SHISA9: variants seen among roughly 807,000 people sequenced by gnomAD.
The protein encoded by SHISA9 is protein shisa-9.
A neutral mutation model predicts 38.0 loss-of-function variants in SHISA9; 13 were observed. The observed-to-expected ratio is 0.34, with a 90% CI of 0.22 to 0.54. The LOEUF is 0.54. Among genes scored for constraint, SHISA9 ranks in the 20% least tolerant of loss-of-function variants. SHISA9 has a pLI of 0.91. For missense variants in SHISA9, 538 were observed against 575.8 expected (o/e 0.93, Z 0.67); for synonymous variants, 275 against 242.0 (o/e 1.14, Z -1.27).
the SHISA9 span, among the ~76,000 whole-genome samples, chr16:13,506,762 A>T: frequency 3.3e-5 from 5 of 152,266 alleles, no homozygotes; most frequent in South Asian, 1.0e-3. Flanking sequence ...GGCTTGAGAC[A>T]CTGGGCATGG....
At chr16:12,937,831 A>G (rs1019275031) in intron 2 of SHISA9, among the ~76,000 whole-genome samples, 1 of 152,240 alleles carries the variant, frequency 6.6e-6, no homozygotes, top group African/African-American at 2.4e-5. Context: ...AGGGCACACA[A>G]ACATTCAGTC....
chr16:12,983,965 A>T (rs994075122), intron 2 of SHISA9, among the ~76,000 whole-genome samples: 2 of 152,176 alleles, frequency 1.3e-5, no homozygotes, highest in African/African-American at 4.8e-5. Context: ...GCTTCTGTTC[A>T]TAATTCCTAC....
chr16:13,367,078 C>A, the SHISA9 span, among the ~76,000 whole-genome samples: 1 of 151,350 alleles, frequency 6.6e-6, no homozygotes, highest in Non-Finnish European at 1.5e-5. Context: ...ATCTTAATAA[C>A]CTCAAAAATC....
chr16:13,126,737 GT>G, intron 2 of SHISA9, among the ~76,000 whole-genome samples: 1 of 148,410 alleles, frequency 6.7e-6, no homozygotes, highest in African/African-American at 2.5e-5. Context: ...GAAAGAGAGA[GT>G]GACTGAGGGA....
chr16:12,969,576 C>G (rs930510683), intron 2 of SHISA9, among the ~76,000 whole-genome samples: 8 of 151,960 alleles, frequency 5.3e-5, no homozygotes, highest in Non-Finnish European at 8.8e-5. Flanking sequence ...GAAACTCTGT[C>G]TCTACTAAAA....
At chr16:12,949,162 G>A (rs1328861191) in intron 2 of SHISA9, among the ~76,000 whole-genome samples, 1 of 152,168 alleles carries the variant, frequency 6.6e-6, no homozygotes, top group East Asian at 1.9e-4. Flanking sequence ...CCTGAGATAG[G>A]AATTCTTATG....
chr16:13,129,396 C>A (rs1050603660), intron 2 of SHISA9, among the ~76,000 whole-genome samples: 5 of 152,192 alleles, frequency 3.3e-5, no homozygotes, highest in African/African-American at 1.2e-4. Flanking sequence ...CCTCTAGGTC[C>A]TCTGCATCTG....
At chr16:12,959,305 G>T (rs1222864150) in intron 2 of SHISA9, among the ~76,000 whole-genome samples, 1 of 152,218 alleles carries the variant, frequency 6.6e-6, no homozygotes, top group Non-Finnish European at 1.5e-5. Flanking sequence ...GGTTAAGCTG[G>T]TTAGCTTCAG....
intron 2 of SHISA9, among the ~76,000 whole-genome samples, chr16:13,117,193 C>T (rs893963923): frequency 6.6e-6 from 1 of 152,156 alleles, no homozygotes; most frequent in Non-Finnish European, 1.5e-5. Context: ...CCAGGATGGT[C>T]TCAAATTCCT....
At chr16:13,163,168 C>T (rs1168318546) in intron 2 of SHISA9, among the ~76,000 whole-genome samples, 1 of 152,154 alleles carries the variant, frequency 6.6e-6, no homozygotes, top group African/African-American at 2.4e-5. Flanking sequence ...TAATGCTAAG[C>T]ATTTAGGTTT....
chr16:13,085,740 G>A lies in SHISA9; in HGVS notation c.692-117654G>A, dbSNP rs115073949. Among the ~76,000 whole-genome samples, 661 of 152,230 alleles carry A rather than the reference G, an allele frequency of 4.3e-3. 3 individuals carry two copies. The highest frequency in any genetic ancestry group is 0.015 in the African/African-American group (640 of 41,548). Reference sequence around the variant, plus strand: ...AACACCTGGTGAACAAGCTACCTTCGCAGTCTTATTTCTATATCCCTTGAC... The same window carrying A: ...AACACCTGGTGAACAAGCTACCTTCACAGTCTTATTTCTATATCCCTTGAC... On this transcript the variant is annotated intron_variant, in intron 2 of 4. Transcript: ENST00000558583.
the SHISA9 span, among the ~76,000 whole-genome samples, chr16:13,481,489 G>T: frequency 6.6e-6 from 1 of 152,192 alleles, no homozygotes; most frequent in Non-Finnish European, 1.5e-5. Context: ...CAACCATGCT[G>T]TAGAGGTGCA....
chr16:13,261,896 C>T, the SHISA9 span, among the ~76,000 whole-genome samples: 1 of 152,202 alleles, frequency 6.6e-6, no homozygotes, highest in African/African-American at 2.4e-5. Flanking sequence ...GGAGTCGAAA[C>T]ATCTCTTGCC....
chr16:13,014,112 G>A (rs1457253407), intron 2 of SHISA9, among the ~76,000 whole-genome samples: 1 of 152,150 alleles, frequency 6.6e-6, no homozygotes, highest in African/African-American at 2.4e-5. Context: ...CAGTGAGACA[G>A]GCAAATCCTA....
At chr16:13,509,272 C>CAAA in the SHISA9 span, among the ~76,000 whole-genome samples, 1 of 146,236 alleles carries the variant, frequency 6.8e-6, no homozygotes, top group Admixed American at 6.8e-5. Context: ...GTCAGAAATG[C>CAAA]AAAAAAAAAA....
At chr16:13,055,725 C>T (rs1250706802) in intron 2 of SHISA9, among the ~76,000 whole-genome samples, 1 of 152,168 alleles carries the variant, frequency 6.6e-6, no homozygotes, top group Non-Finnish European at 1.5e-5. Flanking sequence ...CAGGGAAACA[C>T]TAAAATGCAT....
chr16:13,367,651 T>TGGGGG, the SHISA9 span, among the ~76,000 whole-genome samples: 4 of 140,614 alleles, frequency 2.8e-5, no homozygotes, highest in African/African-American at 1.1e-4. Context: ...GCAAGTAGGA[T>TGGGGG]GCGGGGGGGA....
At chr16:13,023,737 T>C (rs541540618) in intron 2 of SHISA9, among the ~76,000 whole-genome samples, 9 of 152,370 alleles carry the variant, frequency 5.9e-5, no homozygotes, top group South Asian at 4.1e-4. Context: ...TGGTATCTCA[T>C]TGCGGTTTTG....
At chr16:12,952,030 C>A (rs1176538888) in intron 2 of SHISA9, among the ~76,000 whole-genome samples, 1 of 152,212 alleles carries the variant, frequency 6.6e-6, no homozygotes, top group Non-Finnish European at 1.5e-5. Context: ...AAGGCGGAGG[C>A]AGTGTCTAGG....
Sources: gnomAD v4.1 joint callset for allele counts (sites outside exome capture counted in the v4.1 genomes callset) on GRCh38, gnomAD v4.1.1 for gene constraint, MANE v1.5 for transcripts, NCBI Gene and HGNC (gene_info 2026-07-23, HGNC 2026-07-21) for gene names.